The following L3MBTL4 variants were observed in gnomAD, a reference collection of about 807,000 sequenced individuals.
L3MBTL4 encodes L3MBTL histone methyl-lysine binding protein 4.
In L3MBTL4, 70 loss-of-function variants were observed where a neutral mutation model predicts 84.5. The observed-to-expected ratio is 0.83, with a 90% CI of 0.68 to 1.01. The LOEUF is 1.01. Ranked by LOEUF, L3MBTL4 falls within the 50% of genes least tolerant of loss-of-function variation. L3MBTL4 has a pLI of 0.00. For missense variants in L3MBTL4, 715 were observed against 754.8 expected (o/e 0.95, Z 0.62); for synonymous variants, 274 against 259.8 (o/e 1.05, Z -0.52).
At chr18:6,290,520 C>A (rs887809656) in intron 4 of L3MBTL4, among the ~76,000 whole-genome samples, 4 of 138,482 alleles carry the variant, frequency 2.9e-5, no homozygotes, top group African/African-American at 5.6e-5. Context: ...GACTGGAATT[C>A]TTTTATTTTT....
chr18:6,072,877 AAAAAATAT>A (rs1330110852), intron 16 of L3MBTL4, among the ~76,000 whole-genome samples: 1 of 42,662 alleles, frequency 2.3e-5, no homozygotes, highest in Non-Finnish European at 4.2e-5. Context: ...AAAAAAAAAA[AAAAAATAT>A]ATATATATAT....
intron 16 of L3MBTL4, among the ~76,000 whole-genome samples, chr18:5,978,836 C>T (rs577729536): frequency 2.0e-5 from 3 of 152,284 alleles, no homozygotes; most frequent in Middle Eastern, 3.4e-3. Flanking sequence ...CCCAGGCCTA[C>T]GGTGGAGGGC....
At chr18:6,225,966 GC>G (rs1357666264) in intron 10 of L3MBTL4, among the ~76,000 whole-genome samples, 1 of 152,048 alleles carries the variant, frequency 6.6e-6, no homozygotes, top group African/African-American at 2.4e-5. Context: ...CCAAATTTAA[GC>G]TACAGGAAAT....
chr18:6,112,601 A>C (rs2059228973), intron 14 of L3MBTL4, among the ~76,000 whole-genome samples: 1 of 152,192 alleles, frequency 6.6e-6, no homozygotes, highest in Non-Finnish European at 1.5e-5. Flanking sequence ...CCCTATTTTA[A>C]AATCTCTGCT....
chr18:6,096,006 G>C (rs934318595), intron 14 of L3MBTL4, among the ~76,000 whole-genome samples: 16 of 152,104 alleles, frequency 1.1e-4, no homozygotes, highest in Non-Finnish European at 2.2e-4. Context: ...TGACTCAGAA[G>C]TTTTGCTATC....
intron 5 of L3MBTL4, chr18:6,256,734 G>A (rs1414854587): frequency 6.6e-6 from 1 of 152,184 alleles, no homozygotes; most frequent in African/African-American, 2.4e-5. Flanking sequence ...GGAACAACGT[G>A]ACCCACTAAG....
intron 10 of L3MBTL4, among the ~76,000 whole-genome samples, chr18:6,234,297 A>C (rs1206042815): frequency 1.3e-5 from 2 of 152,232 alleles, no homozygotes; most frequent in African/African-American, 4.8e-5. Flanking sequence ...AATGGCAACA[A>C]AAGCCAAAAT....
In L3MBTL4 at chr18:5,960,125, C is replaced by T. The variant is rs757083742; in HGVS notation, c.1646G>A (p.Cys549Tyr). 7.0e-6 allele frequency: 11 copies of T among 1,580,350 alleles called. No individual in the cohort carries two copies. The highest frequency in any genetic ancestry group is 1.7e-4 in the Middle Eastern group (1 of 5,924). ...CTTAAAGCACTTGGCATGCTCTTCA[C>T]AGCCCAGAAGAGACTGTACAAACTC... ...VAEFVQSLLG[C>Y]EEHAKCFKKE... The change falls in exon 18 of 19, where the codon TGT (cysteine) becomes TAT (tyrosine). Residue 549 changes from cysteine to tyrosine, a missense_variant. Transcript: ENST00000317931.
chr18:6,300,334 T>G (rs982833057), intron 4 of L3MBTL4, among the ~76,000 whole-genome samples: 3 of 152,236 alleles, frequency 2.0e-5, no homozygotes, highest in Non-Finnish European at 4.4e-5. Context: ...ACATTTGTTA[T>G]GTTCTACAGC....
chr18:6,374,055 G>A (rs1032471017), intron 1 of L3MBTL4, among the ~76,000 whole-genome samples: 1 of 152,136 alleles, frequency 6.6e-6, no homozygotes, highest in Admixed American at 6.5e-5. Context: ...AAGAATTCAA[G>A]TAAAATAAAA....
intron 1 of L3MBTL4, among the ~76,000 whole-genome samples, chr18:6,347,968 C>T (rs2048555912): frequency 6.6e-6 from 1 of 151,898 alleles, no homozygotes; most frequent in Non-Finnish European, 1.5e-5. Flanking sequence ...TTAATAAATA[C>T]AAGATCCATA....
chr18:6,219,366 G>A (rs1241450770), intron 10 of L3MBTL4, among the ~76,000 whole-genome samples: 23 of 151,612 alleles, frequency 1.5e-4, no homozygotes. Context: ...GTAAACTGCT[G>A]GACTGGAGAC....
At chr18:6,307,847 TAC>T (rs1319308163) in intron 3 of L3MBTL4, among the ~76,000 whole-genome samples, 2 of 152,224 alleles carry the variant, frequency 1.3e-5, no homozygotes, top group Admixed American at 1.3e-4. Flanking sequence ...ATATTTTATA[TAC>T]ACAGAGATCA....
rs1245418230 is a variant in L3MBTL4 at position 6,059,576 on chromosome 18, AT to A, written c.1444+21304del. On this transcript the variant is annotated intron_variant, in intron 16 of 18. Coordinates refer to ENST00000317931, the MANE Select transcript of L3MBTL4 (RefSeq NM_001330559.2). Reference sequence around the variant, plus strand: ...TTTGTATGAAAAGAAGGGCAAATGGATTTTTTTGAAGGATAATACAGAATAT... The same window carrying A: ...TTTGTATGAAAAGAAGGGCAAATGGATTTTTTGAAGGATAATACAGAATAT... Among the ~76,000 whole-genome samples, 6 of 151,944 alleles carry A rather than the reference AT, an allele frequency of 3.9e-5. No homozygotes were observed. In the South Asian group the frequency reaches 1.2e-3, roughly 32 times the overall value.
chr18:6,071,508 C>T (rs2057597759), intron 16 of L3MBTL4, among the ~76,000 whole-genome samples: 1 of 150,524 alleles, frequency 6.6e-6, no homozygotes, highest in African/African-American at 2.4e-5. Context: ...CAGTGACTCA[C>T]ACCTGTAATC....
intron 13 of L3MBTL4, among the ~76,000 whole-genome samples, chr18:6,160,506 C>T (rs1283336160): frequency 5.3e-5 from 8 of 152,030 alleles, no homozygotes; most frequent in South Asian, 2.1e-4. Flanking sequence ...CCAAGGTGGG[C>T]GGATCACCTG....
intron 1 of L3MBTL4, among the ~76,000 whole-genome samples, chr18:6,413,127 A>C (rs2056040564): frequency 6.6e-6 from 1 of 152,144 alleles, no homozygotes; most frequent in African/African-American, 2.4e-5. Flanking sequence ...AAGTTAACAC[A>C]GTTCCTTCAC....
chr18:6,108,830 G>C (rs2059098356), intron 14 of L3MBTL4, among the ~76,000 whole-genome samples: 1 of 152,074 alleles, frequency 6.6e-6, no homozygotes, highest in African/African-American at 2.4e-5. Flanking sequence ...AACAAATATA[G>C]TATAACAACT....
At chr18:6,404,244 G>A (rs905026935) in intron 1 of L3MBTL4, among the ~76,000 whole-genome samples, 1 of 152,178 alleles carries the variant, frequency 6.6e-6, no homozygotes, top group East Asian at 1.9e-4. Context: ...AAAAGCTGTT[G>A]AAATAATTTT....
Sources: allele counts gnomAD v4.1 joint callset (sites outside exome capture counted in the v4.1 genomes callset), GRCh38; gene constraint gnomAD v4.1.1; transcripts MANE v1.5; gene names NCBI Gene and HGNC (gene_info 2026-07-23, HGNC 2026-07-21).